The following OSBP2 variants were observed in gnomAD, a reference collection of about 807,000 sequenced individuals.
The protein encoded by OSBP2 is oxysterol binding protein 2.
OSBP2 carries 66 observed loss-of-function variants against 96.0 expected under a neutral mutation model. That is an observed-to-expected ratio of 0.69 (90% CI 0.56 to 0.84). The LOEUF is 0.84. Among genes scored for constraint, OSBP2 ranks in the 40% least tolerant of loss-of-function variants. The pLI, the probability that OSBP2 is intolerant of heterozygous loss-of-function variation, is 0.00. For synonymous variants in OSBP2, 525 were observed against 520.9 expected (o/e 1.01, Z -0.11); for missense variants, 1,038 against 1,222.7 (o/e 0.85, Z 2.25).
chr22:30,723,827 C>A (rs955490005), intron 1 of OSBP2, among the ~76,000 whole-genome samples: 2 of 152,142 alleles, frequency 1.3e-5, no homozygotes, highest in African/African-American at 4.8e-5. Context: ...GCATATCGTC[C>A]CCCGTTACCA....
intron 2 of OSBP2, among the ~76,000 whole-genome samples, chr22:30,795,290 G>A (rs1018475915): frequency 5.3e-5 from 8 of 151,946 alleles, no homozygotes; most frequent in Admixed American, 6.6e-5. Context: ...TCCTTTTTGG[G>A]TCTCATTGAG....
intron 2 of OSBP2, among the ~76,000 whole-genome samples, chr22:30,820,145 C>T (rs911071100): frequency 3.9e-5 from 6 of 152,058 alleles, no homozygotes; most frequent in East Asian, 1.9e-4. Context: ...TTTGGGAGGC[C>T]GAGGTAGGAG....
At position 30,695,143 on chromosome 22, in the gene OSBP2, A is replaced by G; in HGVS notation, c.234A>G (p.Pro78=). The G allele has an allele frequency of 6.2e-7, 1 of 1,606,044 alleles. No individual in the cohort carries two copies. Among genetic ancestry groups the G allele is most frequent in the South Asian group, 1.1e-5 (1 of 90,096 alleles). Reference sequence around the variant, plus strand: ...CGGAGGCAGTTTCGGAGGCAGTGCCAAGATCGGAACCTGTGTCCGAGACGA... The same window carrying G: ...CGGAGGCAGTTTCGGAGGCAGTGCCGAGATCGGAACCTGTGTCCGAGACGA... ...QVSEAVSEAV[P]RSEPVSETTS... is the part of the protein sequence containing the mutation. The change falls in exon 1 of 14, where the codon CCA becomes CCG. Residue 78 remains proline, a synonymous_variant. Coordinates refer to ENST00000332585, the MANE Select transcript of OSBP2 (RefSeq NM_030758.4).
rs779637272 is a variant in OSBP2 at position 30,893,601 on chromosome 22, C to T, written c.2094+35C>T. The T allele has an allele frequency of 5.6e-6, 9 of 1,612,902 alleles. No homozygotes were observed. The East Asian group carries it at 8.9e-5, about 16-fold the overall frequency. The stretch of plus-strand genomic sequence containing the variant: ...GCCCTTGGGGAGGGGGTGCATGGCC[C>T]GGGGGCTGGCCGCTGACCACTGCCC... On this transcript the variant is annotated intron_variant, in intron 10 of 13. Transcript: ENST00000332585.
At chr22:30,694,830 G>T, upstream of OSBP2, 1 of 596,412 alleles carries the variant, frequency 1.7e-6, no homozygotes, top group Non-Finnish European at 2.1e-6. Context: ...CCGCGCGCAC[G>T]TGACTGCGCC....
At chr22:30,720,960 C>A (rs936515711) in intron 1 of OSBP2, among the ~76,000 whole-genome samples, 1 of 152,162 alleles carries the variant, frequency 6.6e-6, no homozygotes, top group Non-Finnish European at 1.5e-5. Flanking sequence ...CACGGTGGCT[C>A]ACGCCTGTAA....
intron 2 of OSBP2, among the ~76,000 whole-genome samples, chr22:30,798,748 C>A (rs948073095): frequency 2.2e-4 from 34 of 152,204 alleles, no homozygotes; most frequent in African/African-American, 8.2e-4. Flanking sequence ...CATGGTGGCT[C>A]ACACCTGTAA....
At chr22:30,740,434 T>G (rs1001425359) in intron 1 of OSBP2, among the ~76,000 whole-genome samples, 2 of 152,212 alleles carry the variant, frequency 1.3e-5, no homozygotes, top group African/African-American at 2.4e-5. Flanking sequence ...TAAACCATAA[T>G]TTCTAATCCT....
At chr22:30,811,335 T>A (rs559374371) in intron 2 of OSBP2, among the ~76,000 whole-genome samples, 4 of 16,948 alleles carry the variant, frequency 2.4e-4, no homozygotes, top group East Asian at 4.5e-3. Flanking sequence ...TTATTTATTT[T>A]ATTTATTTAT....
Position 30,893,737 on chromosome 22 carries a change from A to T in OSBP2, c.2190+4A>T, listed in dbSNP as rs781781039. 1 of 1,613,884 alleles carries T rather than the reference A, an allele frequency of 6.2e-7. No individual in the cohort carries two copies. Among genetic ancestry groups the T allele is most frequent in the Non-Finnish European group, 8.5e-7 (1 of 1,179,888 alleles). On this transcript the variant is annotated splice_donor_region_variant and intron_variant, in intron 11 of 13. Transcript: ENST00000332585. ...CTCCAAAGAGGCAGCCCGGAAGGTAAGCAGGACCAGCCACCTCTAAGCACC... is the reference window on the plus strand; with the variant it reads ...CTCCAAAGAGGCAGCCCGGAAGGTATGCAGGACCAGCCACCTCTAAGCACC...
intron 2 of OSBP2, among the ~76,000 whole-genome samples, chr22:30,778,511 C>T (rs550794408): frequency 3.4e-4 from 52 of 152,198 alleles, no homozygotes; most frequent in East Asian, 2.9e-3. Flanking sequence ...GAGCAGCCTG[C>T]GGTTATGGCC....
intron 2 of OSBP2, among the ~76,000 whole-genome samples, chr22:30,825,926 G>A (rs136220): frequency 6.6e-6 from 1 of 152,160 alleles, no homozygotes; most frequent in African/African-American, 2.4e-5. Context: ...GAAACAGGAG[G>A]GGATCAGGGT....
chr22:30,811,901 T>A (rs182880991), intron 2 of OSBP2, among the ~76,000 whole-genome samples: 69 of 150,610 alleles, frequency 4.6e-4, no homozygotes, highest in African/African-American at 1.5e-3. Context: ...TTGTCACCCA[T>A]GTTGGAGTGC....
intron 2 of OSBP2, among the ~76,000 whole-genome samples, chr22:30,796,248 C>T (rs1192627714): frequency 6.6e-6 from 1 of 152,120 alleles, no homozygotes; most frequent in African/African-American, 2.4e-5. Flanking sequence ...ATGCTGATCT[C>T]CTGGGCTGGA....
chr22:30,898,697 C>T (rs1287473959), intron 12 of OSBP2, among the ~76,000 whole-genome samples: 1 of 151,954 alleles, frequency 6.6e-6, no homozygotes, highest in Non-Finnish European at 1.5e-5. Context: ...ACCTCCCACC[C>T]GGTCCCTCCC....
chr22:30,791,483 A>G (rs2090675230), intron 2 of OSBP2, among the ~76,000 whole-genome samples: 1 of 150,722 alleles, frequency 6.6e-6, no homozygotes, highest in Non-Finnish European at 1.5e-5. Context: ...TGTGCCCCCA[A>G]ACCTGGCTAA....
rs2039697990 is a variant in OSBP2, at chr22:30,881,340, G to C, written c.1108-6086G>C. ...GAGGGCGCCAGGAGATTACAGGCCT[G>C]TCCCAGGATTGGGCAGTGGGGTAGC... On this transcript the variant is annotated intron_variant, in intron 3 of 13. Coordinates refer to ENST00000332585, the MANE Select transcript of OSBP2 (RefSeq NM_030758.4). This position sits in a 1 kb window ranked among gnomAD's most constrained non-coding sequence, Gnocchi z 4.5. 6.6e-6 allele frequency among the ~76,000 whole-genome samples: 1 copy of C among 152,184 alleles called. No homozygotes were observed. The highest frequency in any genetic ancestry group is 1.5e-5 in the Non-Finnish European group (1 of 68,008).
At chr22:30,782,895 C>T (rs1408880420) in intron 2 of OSBP2, among the ~76,000 whole-genome samples, 1 of 152,116 alleles carries the variant, frequency 6.6e-6, no homozygotes. Flanking sequence ...GTGACAATGT[C>T]CCAGGCTGGG....
At chr22:30,805,455 T>G (rs1470541920) in intron 2 of OSBP2, among the ~76,000 whole-genome samples, 2 of 152,238 alleles carry the variant, frequency 1.3e-5, no homozygotes, top group African/African-American at 4.8e-5. Flanking sequence ...GTTTGAATCC[T>G]GATTTTAACC....
Sources: allele counts gnomAD v4.1 joint callset (sites outside exome capture counted in the v4.1 genomes callset), GRCh38; gene constraint gnomAD v4.1.1; non-coding constraint Gnocchi (gnomAD v3.1); transcripts MANE v1.5; gene names NCBI Gene and HGNC (gene_info 2026-07-23, HGNC 2026-07-21).